Variants in KIAA0825 observed in about 807,000 individuals in gnomAD.
KIAA0825 encodes the protein KIAA0825, also known as uncharacterized protein KIAA0825.
In KIAA0825, 119 loss-of-function variants were observed where a neutral mutation model predicts 147.6. That is an observed-to-expected ratio of 0.81 (90% CI 0.69 to 0.94). The LOEUF (loss-of-function observed/expected upper bound fraction) is 0.94, where lower values mean the gene tolerates loss of function less well. Among genes scored for constraint, KIAA0825 ranks in the 40% least tolerant of loss-of-function variants. The pLI, the probability that KIAA0825 is intolerant of heterozygous loss-of-function variation, is 0.00. For missense variants in KIAA0825, 1,381 were observed against 1,472.7 expected, an observed-to-expected ratio of 0.94 and a Z score of 1.02; for synonymous variants, 470 against 518.1, an observed-to-expected ratio of 0.91 and a Z score of 1.26.
chr5:94,222,554 G>T (rs1440363151), intron 20 of KIAA0825, among the ~76,000 whole-genome samples: 1 of 152,178 alleles, frequency 6.6e-6, no homozygotes, highest in East Asian at 1.9e-4. Flanking sequence ...TGTAGAAAAA[G>T]AGCAAGGATT....
At chr5:94,544,743 T>A (rs1029479377) in intron 2 of KIAA0825, among the ~76,000 whole-genome samples, 7 of 151,980 alleles carry the variant, frequency 4.6e-5, no homozygotes, top group African/African-American at 7.2e-5. Flanking sequence ...ATGCAAAAAA[T>A]TATGAGACTT....
intron 2 of KIAA0825, among the ~76,000 whole-genome samples, chr5:94,564,967 C>CTTTTCT (rs1778352071): frequency 8.4e-6 from 1 of 118,588 alleles, no homozygotes; most frequent in South Asian, 2.8e-4. Context: ...CTTTTCTTTT[C>CTTTTCT]TTTTTCTTCT....
In KIAA0825 at chr5:94,462,479, A is replaced by T. The variant is rs1446353245; in HGVS notation, c.2154T>A (p.His718Gln). 7 of 1,540,628 alleles carry T rather than the reference A, an allele frequency of 4.5e-6. No homozygotes were observed. Among genetic ancestry groups the T allele is most frequent in the South Asian group, 1.2e-5 (1 of 83,344 alleles). Residue 718 changes from histidine to glutamine, a missense_variant, in exon 12 of 21, where the codon CAT becomes CAA. Physicochemically the swap from His to Gln is conservative, Grantham distance 24. Coordinates refer to ENST00000682413, the MANE Select transcript of KIAA0825 (RefSeq NM_001145678.3). ...SVQKLLNPHQ[H>Q]TDDKIFKIHT... ...GAATTTTAAAAATTTTATCATCTGT[A>T]TGCTGATGAGGATTCAAAAGTTTCT...
At chr5:94,339,452 T>C (rs1329999922) in intron 20 of KIAA0825, among the ~76,000 whole-genome samples, 1 of 152,180 alleles carries the variant, frequency 6.6e-6, no homozygotes, top group African/African-American at 2.4e-5. Context: ...CTTTTAAAAA[T>C]CAAAGTAGAA....
intron 1 of KIAA0825, among the ~76,000 whole-genome samples, chr5:94,595,347 G>T (rs897801013): frequency 6.6e-6 from 1 of 152,212 alleles, no homozygotes; most frequent in Non-Finnish European, 1.5e-5. Context: ...TGATAACCAT[G>T]TGTCAGCTGC....
At chr5:94,210,942 A>C (rs1041698448) in intron 20 of KIAA0825, among the ~76,000 whole-genome samples, 1 of 152,200 alleles carries the variant, frequency 6.6e-6, no homozygotes, top group African/African-American at 2.4e-5. Context: ...TATTTTAAAC[A>C]TGATAGTGTT....
rs116483668 is a variant in KIAA0825 at position 94,540,514 on chromosome 5, C to T, written c.-1-3387G>A. Among the ~76,000 whole-genome samples the T allele has an allele frequency of 8.4e-3, 1,277 of 152,286 alleles. 10 individuals are homozygous for T. Among genetic ancestry groups the T allele is most frequent in the African/African-American group, 0.019 (797 of 41,564 alleles). ...TGGCCCAGGTTCAGGGTCCAATTCCCGCCTTAGGGAATGAGTCCTCTATCT... is the reference window on the plus strand; with the variant it reads ...TGGCCCAGGTTCAGGGTCCAATTCCTGCCTTAGGGAATGAGTCCTCTATCT... On this transcript the variant is annotated intron_variant, in intron 2 of 20. Coordinates refer to ENST00000682413, the MANE Select transcript of KIAA0825 (RefSeq NM_001145678.3).
chr5:94,442,096 T>C (rs1757154454), intron 13 of KIAA0825, among the ~76,000 whole-genome samples: 1 of 152,176 alleles, frequency 6.6e-6, no homozygotes. Flanking sequence ...TTTCTGCTCA[T>C]AAATGAGTAG....
chr5:94,345,876 G>T (rs1363931979), intron 20 of KIAA0825, among the ~76,000 whole-genome samples: 5 of 152,106 alleles, frequency 3.3e-5, no homozygotes, highest in Middle Eastern at 3.4e-3. Flanking sequence ...CCTCTAAGGG[G>T]GTCCACATGA....
At chr5:94,549,439 C>T (rs573040983) in intron 2 of KIAA0825, among the ~76,000 whole-genome samples, 16 of 152,258 alleles carry the variant, frequency 1.1e-4, no homozygotes, top group East Asian at 5.8e-4. Context: ...GGAGCTGGCG[C>T]GGTGGCTCAT....
At chr5:94,234,315 G>T (rs531526657) in intron 20 of KIAA0825, among the ~76,000 whole-genome samples, 31 of 151,738 alleles carry the variant, frequency 2.0e-4, no homozygotes, top group African/African-American at 7.0e-4. Flanking sequence ...AGCTTGCAGT[G>T]AGCCGAGATC....
At chr5:94,495,842 G>T (rs1764288708) in intron 5 of KIAA0825, among the ~76,000 whole-genome samples, 1 of 152,162 alleles carries the variant, frequency 6.6e-6, no homozygotes, top group African/African-American at 2.4e-5. Flanking sequence ...TTCTTTAATT[G>T]AAAAACACAA....
chr5:94,576,970 T>C (rs1489503716), intron 2 of KIAA0825, among the ~76,000 whole-genome samples: 5 of 152,258 alleles, frequency 3.3e-5, no homozygotes, highest in East Asian at 3.8e-4. Flanking sequence ...GTTTAAAAGA[T>C]GCACAGCAAT....
intron 20 of KIAA0825, among the ~76,000 whole-genome samples, chr5:94,206,004 T>C (rs1469456613): frequency 6.6e-6 from 1 of 152,228 alleles, no homozygotes; most frequent in Non-Finnish European, 1.5e-5. Flanking sequence ...CGTTATTTTC[T>C]TCAGAAATAG....
At chr5:94,221,169 A>G (rs1239166831) in intron 20 of KIAA0825, among the ~76,000 whole-genome samples, 1 of 152,184 alleles carries the variant, frequency 6.6e-6, no homozygotes, top group Admixed American at 6.5e-5. Flanking sequence ...TGACCCTAAG[A>G]GTCCCTCTTT....
chr5:94,418,493 G>T (rs1382643168), intron 14 of KIAA0825, among the ~76,000 whole-genome samples: 2 of 119,832 alleles, frequency 1.7e-5, no homozygotes, highest in African/African-American at 6.6e-5. Flanking sequence ...CCCACACTTC[G>T]ATTATTTGGT....
At chr5:94,288,457 C>T (rs1438758716) in intron 20 of KIAA0825, among the ~76,000 whole-genome samples, 1 of 152,092 alleles carries the variant, frequency 6.6e-6, no homozygotes, top group African/African-American at 2.4e-5. Flanking sequence ...CGGGAACAGG[C>T]TGAACAACAT....
intron 20 of KIAA0825, among the ~76,000 whole-genome samples, chr5:94,321,103 C>T (rs888386368): frequency 7.2e-5 from 11 of 151,922 alleles, no homozygotes; most frequent in African/African-American, 1.4e-4. Flanking sequence ...CAGTTTTTCA[C>T]GCTGTATCTG....
intron 20 of KIAA0825, among the ~76,000 whole-genome samples, chr5:94,330,016 A>C (rs577008733): frequency 1.3e-5 from 2 of 151,916 alleles, no homozygotes; most frequent in African/African-American, 2.4e-5. Flanking sequence ...GTTTGATAGC[A>C]AAGTAGGGTG....
Sources: allele counts gnomAD v4.1 joint callset (sites outside exome capture counted in the v4.1 genomes callset), GRCh38; gene constraint gnomAD v4.1.1; transcripts MANE v1.5; gene names NCBI Gene and HGNC (gene_info 2026-07-23, HGNC 2026-07-21).